The following IRAK3 variants were observed in gnomAD, a reference collection of about 807,000 sequenced individuals.
IRAK3 encodes the protein interleukin-1 receptor-associated kinase 3.
IRAK3 carries 57 observed loss-of-function variants against 56.6 expected under a neutral mutation model. The ratio of observed to expected loss-of-function variants is 1.01; its 90% CI spans 0.81 to 1.26. IRAK3 has a LOEUF of 1.26. Among genes scored for constraint, IRAK3 ranks in the 50% most tolerant of loss-of-function variants. The pLI, the probability that IRAK3 is intolerant of heterozygous loss-of-function variation, is 0.00. For synonymous variants in IRAK3, 258 were observed against 255.7 expected, an observed-to-expected ratio of 1.01 and a Z score of -0.09; for missense variants, 703 against 719.0, an observed-to-expected ratio of 0.98 and a Z score of 0.25.
intron 8 of IRAK3, 53 bp downstream of exon 8, chr12:66,228,423 A>C: frequency 8.7e-7 from 1 of 1,153,568 alleles, no homozygotes; most frequent in Non-Finnish European, 1.3e-6. Flanking sequence ...TTATCCTCAC[A>C]TGTGAGTCAT....
rs1003292238 is a variant in IRAK3 at position 66,239,585 on chromosome 12, C to A, written c.888-4901C>A. ...CTTTCTTTGTTTGACTGATAAGATT[C>A]TTTAATCAGTCTCCTCCCTTTCCCT... On this transcript the variant is annotated intron_variant, in intron 8 of 11. Coordinates refer to ENST00000261233, the MANE Select transcript of IRAK3 (RefSeq NM_007199.3). Among the ~76,000 whole-genome samples the A allele has an allele frequency of 7.2e-5, 11 of 152,142 alleles. 2 individuals are homozygous for A. In the South Asian group the frequency reaches 1.7e-3, roughly 23 times the overall value.
intron 8 of IRAK3, among the ~76,000 whole-genome samples, chr12:66,233,184 T>C (rs1035004640): frequency 5.3e-5 from 8 of 151,924 alleles, no homozygotes; most frequent in African/African-American, 1.9e-4. Context: ...TTAAGGCAAA[T>C]TGGAATTCAT....
intron 8 of IRAK3, among the ~76,000 whole-genome samples, chr12:66,243,130 A>G (rs1337800329): frequency 1.3e-5 from 2 of 152,024 alleles, no homozygotes; most frequent in Non-Finnish European, 2.9e-5. Flanking sequence ...AGCCCTAGAC[A>G]AAGTCTGGAC....
chr12:66,234,411 G>A (rs2052879899), intron 8 of IRAK3: 3 of 1,611,046 alleles, frequency 1.9e-6, no homozygotes, highest in Admixed American at 3.3e-5. Flanking sequence ...GCAGATACAG[G>A]AGATACAATA....
rs796360585 is a variant in IRAK3, at chr12:66,204,794, A to G, written c.316+901A>G. Among the ~76,000 whole-genome samples, 162 of 146,446 alleles carry G rather than the reference A, an allele frequency of 1.1e-3. 3 individuals carry two copies. The highest frequency in any genetic ancestry group is 0.01 in the East Asian group (52 of 5,176). On this transcript the variant is annotated intron_variant, in intron 2 of 11. Coordinates refer to ENST00000261233, the MANE Select transcript of IRAK3 (RefSeq NM_007199.3). ...AGCCCTTGCGCACACACACACACAC[A>G]CACACACACACACACACACACACAC...
At position 66,210,142 on chromosome 12, in the gene IRAK3, C is replaced by A. The variant is rs1323934460; in HGVS notation, c.382-5C>A. The A allele has an allele frequency of 6.4e-6, 10 of 1,571,358 alleles. No individual in the cohort carries two copies. In the East Asian group the frequency reaches 2.2e-4, roughly 35 times the overall value. ...AATTACTTTAGTATATATTTCTTCT[C>A]TTAGGAAACAGCCAATGTCACCGTG... On this transcript the variant is annotated splice_region_variant and splice_polypyrimidine_tract_variant and intron_variant, in intron 3 of 11. Transcript: ENST00000261233.
chr12:66,218,651 A>G (rs2052700990), intron 6 of IRAK3, among the ~76,000 whole-genome samples: 2 of 152,240 alleles, frequency 1.3e-5, no homozygotes, highest in African/African-American at 2.4e-5. Flanking sequence ...ATTGACAAAT[A>G]AAAATTGTAT....
chr12:66,252,435 A>G lies in IRAK3; in HGVS notation c.*4264A>G, dbSNP rs1418900726. 6.6e-6 allele frequency: 1 copy of G among 152,240 alleles called. No individual in the cohort carries two copies. The highest frequency in any genetic ancestry group is 2.1e-4 in the South Asian group (1 of 4,836). The allele number at this position is 152,240 out of a possible 1,614,324, so 9.4% of individuals were successfully genotyped here. A position where few individuals can be genotyped will look rare whatever the true frequency, so the allele number is the denominator to read the frequency against. On this transcript the variant is annotated 3_prime_UTR_variant, in exon 12 of 12. Coordinates refer to ENST00000261233, the MANE Select transcript of IRAK3 (RefSeq NM_007199.3). Reference sequence around the variant, plus strand: ...TCATTTGTTGATTCCACAGATTTTTAGTAGGTACCATGTCTCCTGCCTTTA... The same window carrying G: ...TCATTTGTTGATTCCACAGATTTTTGGTAGGTACCATGTCTCCTGCCTTTA...
At chr12:66,206,308 G>T (rs933102096) in intron 2 of IRAK3, among the ~76,000 whole-genome samples, 2 of 152,144 alleles carry the variant, frequency 1.3e-5, no homozygotes, top group African/African-American at 4.8e-5. Context: ...TCCTTATCTT[G>T]TTCCTGACCT....
chr12:66,202,731 G>A (rs1388377053), intron 1 of IRAK3, among the ~76,000 whole-genome samples: 1 of 151,942 alleles, frequency 6.6e-6, no homozygotes, highest in Non-Finnish European at 1.5e-5. Context: ...CTTGAGCCTG[G>A]GAGATGGAGG....
At chr12:66,230,730 T>G (rs1592596098) in intron 8 of IRAK3, among the ~76,000 whole-genome samples, 1 of 150,974 alleles carries the variant, frequency 6.6e-6, no homozygotes, top group East Asian at 1.9e-4. Context: ...GGTGGGAGAG[T>G]GCACCATGGC....
chr12:66,242,762 A>G (rs750322329), intron 8 of IRAK3, among the ~76,000 whole-genome samples: 22 of 152,198 alleles, frequency 1.4e-4, no homozygotes, highest in Non-Finnish European at 2.5e-4. Flanking sequence ...TAAAGTTTAA[A>G]ATGTGTCTTT....
chr12:66,229,029 G>A (rs2052817608), intron 8 of IRAK3, among the ~76,000 whole-genome samples: 2 of 152,186 alleles, frequency 1.3e-5, no homozygotes, highest in Admixed American at 6.5e-5. Context: ...AAATGAACCT[G>A]TATTTATGTA....
At position 66,215,032 on chromosome 12, in the gene IRAK3, C is replaced by T. The variant is rs116387425; in HGVS notation, c.589-2139C>T. ...CTAATTTCTCCATTTCTCCAAATTG[C>T]ATTTAGTACTACTTAATTGTACATA... On this transcript the variant is annotated intron_variant, in intron 5 of 11. Transcript: ENST00000261233. Among the ~76,000 whole-genome samples, 1,016 of 152,300 alleles carry T rather than the reference C, an allele frequency of 6.7e-3. 26 individuals carry two copies. The highest frequency in any genetic ancestry group is 0.024 in the African/African-American group (980 of 41,550).
At chr12:66,223,326 G>A (rs1339688890) in intron 6 of IRAK3, among the ~76,000 whole-genome samples, 4 of 152,110 alleles carry the variant, frequency 2.6e-5, no homozygotes, top group African/African-American at 9.7e-5. Context: ...TTCTTTTGCG[G>A]ATTCCAGATT....
intron 1 of IRAK3, among the ~76,000 whole-genome samples, chr12:66,189,958 G>A (rs748297969): frequency 5.3e-5 from 8 of 152,080 alleles, no homozygotes; most frequent in Non-Finnish European, 1.0e-4. Context: ...ACCCAATTTC[G>A]TTGAATGAAG....
At chr12:66,203,685 CTTTG>C (rs1289757620) in intron 1 of IRAK3, 22 bp from the exon 2 acceptor site, 2 of 1,600,320 alleles carry the variant, frequency 1.2e-6, no homozygotes, top group African/African-American at 2.7e-5. Flanking sequence ...GTAAACAATT[CTTTG>C]TTTATATTGC....
At chr12:66,217,651 T>C (rs1413419451) in intron 6 of IRAK3, among the ~76,000 whole-genome samples, 1 of 152,290 alleles carries the variant, frequency 6.6e-6, no homozygotes, top group African/African-American at 2.4e-5. Context: ...GTGCATATTA[T>C]TTTTCTGGAA....
At position 66,197,167 on chromosome 12, in the gene IRAK3, C is replaced by CA. The variant is rs1592574838; in HGVS notation, c.134-6538dup. ...CGACTTTCAACAAAGATTTGTGTTC[C>CA]AAAAAATGGTTTTAAACAATGCTTA... On this transcript the variant is annotated intron_variant, in intron 1 of 11. Transcript: ENST00000261233. 1.2e-5 allele frequency: 16 copies of CA among 1,281,000 alleles called. No individual in the cohort carries two copies. In the East Asian group the frequency reaches 4.6e-4, roughly 37 times the overall value. The allele number at this position is 1,281,000 out of a possible 1,614,324, so 79.4% of individuals were successfully genotyped here.
Sources: allele counts gnomAD v4.1 joint callset (sites outside exome capture counted in the v4.1 genomes callset), GRCh38; gene constraint gnomAD v4.1.1; transcripts MANE v1.5; gene names NCBI Gene and HGNC (gene_info 2026-07-23, HGNC 2026-07-21).